Variants in PLXDC1 observed in about 807,000 individuals in gnomAD.
The protein encoded by PLXDC1 is plexin domain containing 1.
Under a neutral mutation model 61.3 loss-of-function variants are expected in PLXDC1, and 39 were observed. The ratio of observed to expected loss-of-function variants is 0.64; its 90% CI spans 0.49 to 0.83. The LOEUF (loss-of-function observed/expected upper bound fraction) is 0.83. Ranked by LOEUF, PLXDC1 falls within the 40% of genes least tolerant of loss-of-function variation. PLXDC1 has a pLI of 0.00. For synonymous variants in PLXDC1, 212 were observed against 254.5 expected (o/e 0.83, Z 1.59); for missense variants, 596 against 666.5 (o/e 0.89, Z 1.17).
Position 39,151,271 on chromosome 17 carries a change from C to T in PLXDC1, c.76+91G>A. ...CGGACAATGCCCCCCTCGCGGACAT[C>T]GCCAGGCCGTCCACACCTGCCCATG... On this transcript the variant is annotated intron_variant, in intron 1 of 13. Transcript: ENST00000315392. The surrounding 1 kb of genome is among the most constrained non-coding windows in gnomAD (Gnocchi z 5.2). 9.9e-7 allele frequency: 1 copy of T among 1,010,158 alleles called. No homozygotes were observed. Among genetic ancestry groups the T allele is most frequent in the Non-Finnish European group, 1.3e-6 (1 of 782,432 alleles). The allele number at this position is 1,010,158 out of a possible 1,614,324, so 62.6% of individuals were successfully genotyped here.
intron 4 of PLXDC1, 102 bp downstream of exon 4, chr17:39,108,802 C>T (rs1910688506): frequency 1.3e-6 from 1 of 757,260 alleles, no homozygotes; most frequent in South Asian, 1.5e-5. Context: ...GCCTTCCTCC[C>T]ATTTCATATA....
At chr17:39,096,900 C>G (rs953268712) in intron 7 of PLXDC1, 1 of 471,132 alleles carries the variant, frequency 2.1e-6, no homozygotes, top group South Asian at 1.5e-5. Context: ...TTGAGTGCCT[C>G]TGCAAACAGA....
At chr17:39,135,226 G>T (rs1567772195) in intron 2 of PLXDC1, among the ~76,000 whole-genome samples, 1 of 152,230 alleles carries the variant, frequency 6.6e-6, no homozygotes, top group Non-Finnish European at 1.5e-5. Flanking sequence ...AAGCCCTATG[G>T]CTGTCAGAGG....
chr17:39,088,395 A>G (rs1446452993), intron 7 of PLXDC1, among the ~76,000 whole-genome samples: 1 of 152,122 alleles, frequency 6.6e-6, no homozygotes, highest in African/African-American at 2.4e-5. Context: ...GAGTCAGGAG[A>G]TCCAAGTTCG....
intron 2 of PLXDC1, among the ~76,000 whole-genome samples, chr17:39,127,732 G>A (rs1911352559): frequency 6.6e-6 from 1 of 151,854 alleles, no homozygotes; most frequent in Non-Finnish European, 1.5e-5. Context: ...GAGGCGGGCG[G>A]ATCACGAGGT....
chr17:39,120,228 G>T (rs35008524), intron 2 of PLXDC1, among the ~76,000 whole-genome samples: 12,693 of 152,026 alleles, frequency 0.083, 556 homozygotes, highest in East Asian at 0.12. Flanking sequence ...CTCGGCTCAC[G>T]GCAACCTCTG....
chr17:39,065,658 G>C lies in PLXDC1; in HGVS notation c.*2182C>G, dbSNP rs543557155. On this transcript the variant is annotated 3_prime_UTR_variant, in exon 14 of 14. Transcript: ENST00000315392. ...CCCAAAGTGCTGGGAGTACAGGCACGAGCCATCAGGCTTGGCCAAATAAGC... is the reference window on the plus strand; with the variant it reads ...CCCAAAGTGCTGGGAGTACAGGCACCAGCCATCAGGCTTGGCCAAATAAGC... 6.6e-6 allele frequency: 1 copy of C among 152,258 alleles called. No individual in the cohort carries two copies. Among genetic ancestry groups the C allele is most frequent in the East Asian group, 1.9e-4 (1 of 5,178 alleles). The allele number at this position is 152,258 out of a possible 1,614,324, so 9.4% of individuals were successfully genotyped here.
intron 2 of PLXDC1, among the ~76,000 whole-genome samples, chr17:39,119,188 C>T (rs1040965200): frequency 6.6e-6 from 1 of 152,108 alleles, no homozygotes; most frequent in African/African-American, 2.4e-5. Flanking sequence ...CTCTGTGGGA[C>T]AGCTCAAATA....
At chr17:39,086,132 C>T (rs1029821018) in intron 8 of PLXDC1, among the ~76,000 whole-genome samples, 13 of 152,246 alleles carry the variant, frequency 8.5e-5, no homozygotes, top group African/African-American at 2.2e-4. Flanking sequence ...GTCAGCCCTG[C>T]CCTTGGATGT....
At chr17:39,091,076 A>G (rs1487312432) in intron 7 of PLXDC1, among the ~76,000 whole-genome samples, 1 of 152,152 alleles carries the variant, frequency 6.6e-6, no homozygotes, top group African/African-American at 2.4e-5. Flanking sequence ...CCCACAGTCC[A>G]GGCTGCCTGC....
intron 2 of PLXDC1, among the ~76,000 whole-genome samples, chr17:39,128,093 A>ATGTG (rs199563342): frequency 6.9e-5 from 4 of 58,104 alleles, no homozygotes; most frequent in African/African-American, 3.0e-4. Context: ...CTCTCTCTCT[A>ATGTG]TGTGTATATA....
At chr17:39,100,512 C>T (rs1421582657) in intron 7 of PLXDC1, among the ~76,000 whole-genome samples, 1 of 152,218 alleles carries the variant, frequency 6.6e-6, no homozygotes, top group African/African-American at 2.4e-5. Flanking sequence ...GCCTTGGCCT[C>T]CCAAAGAACT....
chr17:39,072,817 A>T (rs1302043872), intron 11 of PLXDC1, among the ~76,000 whole-genome samples: 1 of 152,186 alleles, frequency 6.6e-6, no homozygotes, highest in Non-Finnish European at 1.5e-5. Flanking sequence ...ACAAGGTCAG[A>T]TCAGCCTGGA....
At chr17:39,148,880 A>G (rs2045357134) in intron 1 of PLXDC1, among the ~76,000 whole-genome samples, 2 of 152,136 alleles carry the variant, frequency 1.3e-5, no homozygotes, top group Non-Finnish European at 2.9e-5. Context: ...CCCATTTTAT[A>G]GACGGGGAAA....
chr17:39,104,377 A>T (rs1910524657), intron 7 of PLXDC1, among the ~76,000 whole-genome samples: 1 of 152,176 alleles, frequency 6.6e-6, no homozygotes, highest in Non-Finnish European at 1.5e-5. Flanking sequence ...AACTTTGCAT[A>T]TAGAAGGTAC....
intron 1 of PLXDC1, among the ~76,000 whole-genome samples, chr17:39,143,294 C>T (rs1386207471): frequency 6.6e-6 from 1 of 152,170 alleles, no homozygotes; most frequent in Non-Finnish European, 1.5e-5. Flanking sequence ...TGACATTCCC[C>T]ACCTATGACC....
chr17:39,135,440 G>A lies in PLXDC1; in HGVS notation c.255+4214C>T, dbSNP rs568182503. 3.9e-5 allele frequency among the ~76,000 whole-genome samples: 6 copies of A among 152,320 alleles called. No homozygotes were observed. In the East Asian group the frequency reaches 7.7e-4, roughly 20 times the overall value. ...GCCTGTAATCCCAGCACTTTGGGAG[G>A]CTGAGGCGGGTAGATCACCTGAGGT... On this transcript the variant is annotated intron_variant, in intron 2 of 13. Coordinates refer to ENST00000315392, the MANE Select transcript of PLXDC1 (RefSeq NM_020405.5).
chr17:39,150,779 A>G (rs2045367443), intron 1 of PLXDC1, among the ~76,000 whole-genome samples: 1 of 152,212 alleles, frequency 6.6e-6, no homozygotes, highest in Admixed American at 6.5e-5. Flanking sequence ...CTGGGGGTGC[A>G]GAAGCAGCAA....
At position 39,118,732 on chromosome 17, in the gene PLXDC1, A is replaced by G. The variant is rs147646527; in HGVS notation, c.256-9341T>C. ...CTGTGCTTCCTCAGACTGATTGGACATAGGTAATCACATGATTCAAAAGCA... is the reference window on the plus strand; with the variant it reads ...CTGTGCTTCCTCAGACTGATTGGACGTAGGTAATCACATGATTCAAAAGCA... On this transcript the variant is annotated intron_variant, in intron 2 of 13. Coordinates refer to ENST00000315392, the MANE Select transcript of PLXDC1 (RefSeq NM_020405.5). Among the ~76,000 whole-genome samples, 370 of 152,318 alleles carry G rather than the reference A, an allele frequency of 2.4e-3. 8 individuals carry two copies. In the East Asian group the frequency reaches 0.04, roughly 16 times the overall value.
Sources: allele counts gnomAD v4.1 joint callset (sites outside exome capture counted in the v4.1 genomes callset), GRCh38; gene constraint gnomAD v4.1.1; non-coding constraint Gnocchi (gnomAD v3.1); transcripts MANE v1.5; gene names NCBI Gene and HGNC (gene_info 2026-07-23, HGNC 2026-07-21).